The following RASSF3 variants were observed in gnomAD, a reference collection of about 807,000 sequenced individuals.
RASSF3 encodes the protein Ras association domain family member 3.
Under a neutral mutation model 19.9 loss-of-function variants are expected in RASSF3, and 19 were observed. The observed-to-expected ratio is 0.96, with a 90% CI of 0.67 to 1.40. RASSF3 has a LOEUF of 1.40. Among genes scored for constraint, RASSF3 ranks in the 40% most tolerant of loss-of-function variants. RASSF3 has a pLI of 0.00. For missense variants in RASSF3, 306 were observed against 289.8 expected (o/e 1.06, Z -0.41); for synonymous variants, 110 against 104.2 (o/e 1.06, Z -0.34).
rs186415481 is a variant in RASSF3, at chr12:64,575,335, T to C, written c.294+33630T>C. Among the ~76,000 whole-genome samples, 1,360 of 152,242 alleles carry C rather than the reference T, an allele frequency of 8.9e-3. 12 individuals are homozygous for C. Among genetic ancestry groups the C allele is most frequent in the Middle Eastern group, 0.034 (10 of 294 alleles). ...TTGGGAGGCCAAGGCGGGCAGATCA[T>C]GAGGTCAGGAGATCGAAACCATCCT... On this transcript the variant is annotated intron_variant, in intron 2 of 5. Transcript: ENST00000637125.
intron 1 of RASSF3, among the ~76,000 whole-genome samples, chr12:64,627,973 T>C (rs1329896317): frequency 6.6e-6 from 1 of 152,222 alleles, no homozygotes; most frequent in East Asian, 1.9e-4. Context: ...ACAAATGTTT[T>C]GAGATGCCAA....
At chr12:64,578,446 G>A (rs1869633298) in intron 2 of RASSF3, among the ~76,000 whole-genome samples, 1 of 152,088 alleles carries the variant, frequency 6.6e-6, no homozygotes, top group African/African-American at 2.4e-5. Context: ...TTGAGGCCAG[G>A]AGTTCAAGAC....
At position 64,695,221 on chromosome 12, in the gene RASSF3, A is replaced by C; in HGVS notation, c.*309A>C. 1 of 246,602 alleles carries C rather than the reference A, an allele frequency of 4.1e-6. No homozygotes were observed. The highest frequency in any genetic ancestry group is 7.4e-5 in the East Asian group (1 of 13,558). The allele number at this position is 246,602 out of a possible 1,614,324, so 15.3% of individuals were successfully genotyped here. A position where few individuals can be genotyped will look rare whatever the true frequency, so the allele number is the denominator to read the frequency against. On this transcript the variant is annotated 3_prime_UTR_variant, in exon 5 of 5. Coordinates refer to ENST00000542104, the MANE Select transcript of RASSF3 (RefSeq NM_178169.4). Reference sequence around the variant, plus strand: ...TCTGGGGGTGTTTTTTTTTTTGGTTATTTTAATTATGTGATGATGCTGTTA... The same window carrying C: ...TCTGGGGGTGTTTTTTTTTTTGGTTCTTTTAATTATGTGATGATGCTGTTA...
chr12:64,573,370 C>T (rs962131286), intron 2 of RASSF3, among the ~76,000 whole-genome samples: 1 of 152,172 alleles, frequency 6.6e-6, no homozygotes, highest in Non-Finnish European at 1.5e-5. Flanking sequence ...TTAAGATAAA[C>T]AGTAGTGATT....
At chr12:64,694,677 C>T (rs756968978) in intron 4 of RASSF3, 86 bp from the exon 5 acceptor site, 14 of 1,465,342 alleles carry the variant, frequency 9.6e-6, no homozygotes, top group East Asian at 2.3e-5. Context: ...GGAGGGCAGC[C>T]GCACCTCTGG....
chr12:64,639,277 T>A (rs1208749940), intron 1 of RASSF3, among the ~76,000 whole-genome samples: 2 of 152,116 alleles, frequency 1.3e-5, no homozygotes, highest in African/African-American at 4.8e-5. Flanking sequence ...TCCATCTAAT[T>A]TAAATAATAA....
chr12:64,642,175 G>A (rs1357943735), intron 1 of RASSF3, among the ~76,000 whole-genome samples: 1 of 152,046 alleles, frequency 6.6e-6, no homozygotes, highest in Non-Finnish European at 1.5e-5. Context: ...TATTTAAATT[G>A]TTTGCTTTAT....
At chr12:64,563,372 G>C (rs901688973) in intron 2 of RASSF3, among the ~76,000 whole-genome samples, 1 of 151,902 alleles carries the variant, frequency 6.6e-6, no homozygotes, top group Non-Finnish European at 1.5e-5. Flanking sequence ...GTTTCACCAT[G>C]ATGGCCAGGC....
At chr12:64,641,402 G>A (rs113251780) in intron 1 of RASSF3, among the ~76,000 whole-genome samples, 20,594 of 101,998 alleles carry the variant, frequency 0.2, 2,112 homozygotes, top group African/African-American at 0.35. Context: ...TCTCACAGGC[G>A]CACACACACA....
intron 3 of RASSF3, among the ~76,000 whole-genome samples, chr12:64,689,696 A>ATGTG (rs760585253): frequency 6.6e-6 from 1 of 150,664 alleles, no homozygotes; most frequent in Non-Finnish European, 1.5e-5. Flanking sequence ...ATGTCACTGT[A>ATGTG]TGTGTGTGTC....
chr12:64,521,970 T>A (rs933115154), intron 1 of RASSF3, among the ~76,000 whole-genome samples: 2 of 152,218 alleles, frequency 1.3e-5, no homozygotes, highest in African/African-American at 2.4e-5. Flanking sequence ...CTTGGTTGAT[T>A]CATCTCAATT....
intron 1 of RASSF3, among the ~76,000 whole-genome samples, chr12:64,680,565 G>T (rs1244872): frequency 0.79 from 120,048 of 152,048 alleles, 47,595 homozygotes; most frequent in South Asian, 0.84. Context: ...CAGGGCCCTT[G>T]GGGTTTTACC....
At chr12:64,687,386 C>G (rs905628244) in intron 2 of RASSF3, among the ~76,000 whole-genome samples, 15 of 152,154 alleles carry the variant, frequency 9.9e-5, no homozygotes, top group African/African-American at 3.4e-4. Flanking sequence ...AATAGTAATT[C>G]TACCATCAGT....
intron 1 of RASSF3, among the ~76,000 whole-genome samples, chr12:64,614,699 CTTTT>C (rs11334564): frequency 1.5e-5 from 2 of 129,472 alleles, no homozygotes; most frequent in Admixed American, 7.7e-5. Flanking sequence ...CTTTTCTTTT[CTTTT>C]TTTTTTTTTT....
At chr12:64,578,775 C>T (rs999220668) in intron 2 of RASSF3, among the ~76,000 whole-genome samples, 2 of 152,264 alleles carry the variant, frequency 1.3e-5, no homozygotes, top group Non-Finnish European at 2.9e-5. Context: ...CTCGCCTACA[C>T]TGCTGCCCAG....
chr12:64,525,039 G>C (rs919829990), intron 1 of RASSF3, among the ~76,000 whole-genome samples: 7 of 152,286 alleles, frequency 4.6e-5, no homozygotes, highest in African/African-American at 1.7e-4. Flanking sequence ...ACTTTGGGAG[G>C]CCGAGGCAGG....
intron 1 of RASSF3, among the ~76,000 whole-genome samples, chr12:64,535,995 CTTTTTTT>C (rs11312626): frequency 3.8e-5 from 4 of 104,500 alleles, no homozygotes; most frequent in Admixed American, 1.1e-4. Context: ...CCTGTTTTCA[CTTTTTTT>C]TTTTTTTTTT....
chr12:64,649,195 T>A (rs1176606408), intron 1 of RASSF3, among the ~76,000 whole-genome samples: 1 of 151,204 alleles, frequency 6.6e-6, no homozygotes, highest in Non-Finnish European at 1.5e-5. Context: ...ATCTGGGTTT[T>A]TTTTTTTCTT....
chr12:64,551,961 C>A (rs1206310361), intron 2 of RASSF3, among the ~76,000 whole-genome samples: 2 of 152,148 alleles, frequency 1.3e-5, no homozygotes, highest in Non-Finnish European at 2.9e-5. Flanking sequence ...CGTCCACCCG[C>A]CTTACACAAG....
Sources: allele counts gnomAD v4.1 joint callset (sites outside exome capture counted in the v4.1 genomes callset), GRCh38; gene constraint gnomAD v4.1.1; transcripts MANE v1.5; gene names NCBI Gene and HGNC (gene_info 2026-07-23, HGNC 2026-07-21).